The following CENPF variants were observed in gnomAD, a reference collection of about 807,000 sequenced individuals.
The protein encoded by CENPF is centromere protein F, also known as AH antigen.
A neutral mutation model predicts 307.3 loss-of-function variants in CENPF; 214 were observed. The observed-to-expected ratio is 0.70, with a 90% CI of 0.62 to 0.78. The LOEUF is 0.78. Ranked by LOEUF, CENPF falls within the 30% of genes least tolerant of loss-of-function variation. The pLI is 0.00. For missense variants in CENPF, 3,401 were observed against 3,483.9 expected (o/e 0.98, Z 0.60); for synonymous variants, 1,259 against 1,270.6 (o/e 0.99, Z 0.19).
rs1658293080 is a variant in CENPF, at chr1:214,646,141, A to G, written c.6571A>G (p.Ile2191Val). ...AGAAGTAGAGACTCTAAAAACACAA[A>G]TAGAAGAGATGGCCAGAAGCCTGAA... ...KAEVETLKTQIEEMARSLKVF... is the reference protein window; with the variant it reads ...KAEVETLKTQVEEMARSLKVF... Residue 2191 changes from isoleucine (I) to valine (V), a missense_variant, in exon 13 of 20, where the codon ATA (isoleucine) becomes GTA (valine). Transcript: ENST00000366955. The G allele has an allele frequency of 6.2e-7, 1 of 1,614,094 alleles. No individual in the cohort carries two copies. The highest frequency in any genetic ancestry group is 1.3e-5 in the African/African-American group (1 of 75,048).
chr1:214,640,173 T>G lies in CENPF; in HGVS notation c.1835T>G (p.Leu612Trp). Residue 612 changes from leucine (L) to tryptophan (W), a missense_variant, in exon 12 of 20, where the codon TTG becomes TGG. Physicochemically the swap from Leu to Trp is moderately conservative, Grantham distance 61. Transcript: ENST00000366955. ...LELKKKEYEE[L>W]KEEKTLFSCW... ...TTAAAAAAGAAAGAATATGAAGAAT[T>G]GAAAGAAGAGAAAACTCTGTTTTCT... is the stretch of plus-strand genomic sequence containing the variant. The G allele has an allele frequency of 6.3e-7, 1 of 1,590,668 alleles. No homozygotes were observed. The highest frequency in any genetic ancestry group is 8.5e-7 in the Non-Finnish European group (1 of 1,174,360).
At chr1:214,609,204 G>A (rs1030478660) in intron 1 of CENPF, among the ~76,000 whole-genome samples, 2 of 152,012 alleles carry the variant, frequency 1.3e-5, no homozygotes, top group Non-Finnish European at 2.9e-5. Flanking sequence ...AGCTCCCCCC[G>A]AAGAATCCGC....
chr1:214,608,712 C>T (rs1443996218), intron 1 of CENPF: 10 of 1,594,752 alleles, frequency 6.3e-6, no homozygotes, highest in East Asian at 4.5e-5. Context: ...CACCAGGCCC[C>T]GGCTCGGGCT....
At chr1:214,652,641 C>T (rs1571725689) in intron 15 of CENPF, among the ~76,000 whole-genome samples, 187 bp from the exon 16 acceptor site, 1 of 151,850 alleles carries the variant, frequency 6.6e-6, no homozygotes, top group East Asian at 2.0e-4. Context: ...ACAGGGGTTT[C>T]ACCATGTTGG....
rs369113504 is a variant in CENPF, at chr1:214,652,815, T to C, written c.8161-13T>C. On this transcript the variant is annotated splice_polypyrimidine_tract_variant and intron_variant, in intron 15 of 19. Transcript: ENST00000366955. Reference sequence around the variant, plus strand: ...AAGTAACATTTTGGTTTTTTTTGTTTGTTTTGCTCTAGTATGAAGTAGAAA... The same window carrying C: ...AAGTAACATTTTGGTTTTTTTTGTTCGTTTTGCTCTAGTATGAAGTAGAAA... 3 of 1,545,182 alleles carry C rather than the reference T, an allele frequency of 1.9e-6. No homozygotes were observed. Among genetic ancestry groups the C allele is most frequent in the Non-Finnish European group, 2.6e-6 (3 of 1,150,836 alleles).
rs140780578 is a variant in CENPF, at chr1:214,645,799, G to T, written c.6229G>T (p.Ala2077Ser). Residue 2077 changes from alanine to serine, a missense_variant, in exon 13 of 20, where the codon GCC (alanine) becomes TCC (serine). Coordinates refer to ENST00000366955, the MANE Select transcript of CENPF (RefSeq NM_016343.4). ...LLVKESESLQARLSESDYEKL... is the reference protein window; with the variant it reads ...LLVKESESLQSRLSESDYEKL... Reference sequence around the variant, plus strand: ...TGTCAAGGAATCTGAAAGCCTGCAGGCCAGACTGAGTGAATCAGATTATGA... The same window carrying T: ...TGTCAAGGAATCTGAAAGCCTGCAGTCCAGACTGAGTGAATCAGATTATGA... The T allele has an allele frequency of 1.9e-5, 31 of 1,614,190 alleles. No individual in the cohort carries two copies. The East Asian group carries it at 6.2e-4, about 32-fold the overall frequency.
chr1:214,608,365 T>G, intron 1 of CENPF: 1 of 1,612,422 alleles, frequency 6.2e-7, no homozygotes, highest in South Asian at 1.1e-5. Flanking sequence ...GAGGTTCCTC[T>G]CGGAAGGCCT....
chr1:214,618,504 G>A, intron 3 of CENPF, 69 bp from the exon 4 acceptor site: 2 of 1,542,922 alleles, frequency 1.3e-6, no homozygotes, highest in Non-Finnish European at 8.8e-7. Context: ...CTCTGGGAAT[G>A]TAAGGCATTG....
intron 10 of CENPF, 91 bp from the exon 11 acceptor site, chr1:214,637,773 CAA>C (rs1455421700): frequency 1.6e-6 from 2 of 1,277,640 alleles, no homozygotes; most frequent in African/African-American, 1.5e-5. Context: ...GTGAGATACA[CAA>C]ACAGTTCTGC....
chr1:214,619,358 G>A, intron 5 of CENPF, 138 bp downstream of exon 5: 1 of 505,556 alleles, frequency 2.0e-6, no homozygotes, highest in Admixed American at 3.9e-5. Flanking sequence ...AAGGTTTTGG[G>A]CTCAGTGGAG....
intron 3 of CENPF, among the ~76,000 whole-genome samples, chr1:214,616,849 CTTTCTTTCT>C (rs1657357848): frequency 0.012 from 82 of 6,586 alleles, 1 homozygote; most frequent in African/African-American, 0.029. Context: ...TTCTTTCTTT[CTTTCTTTCT>C]TTCTTTCTTT....
In CENPF at chr1:214,642,860, C is replaced by T; in HGVS notation, c.4522C>T (p.Leu1508Phe). 1 of 1,613,992 alleles carries T rather than the reference C, an allele frequency of 6.2e-7. No individual in the cohort carries two copies. The highest frequency in any genetic ancestry group is 8.5e-7 in the Non-Finnish European group (1 of 1,179,978). The stretch of plus-strand genomic sequence containing the variant: ...TTTAGAACAGACAGGAGATATGTCT[C>T]TTTTGAGTAATTTAGAAGGGGCTGT... Reference protein sequence around the residue: ...ALLEQTGDMSLLSNLEGAVSA... With the variant: ...ALLEQTGDMSFLSNLEGAVSA... Residue 1508 changes from leucine to phenylalanine, a missense_variant, in exon 12 of 20, where the codon CTT becomes TTT. By Grantham distance (22) the Leu-to-Phe change is conservative. Transcript: ENST00000366955.
At chr1:214,649,340 C>T (rs1431875165) in intron 14 of CENPF, among the ~76,000 whole-genome samples, 1 of 152,212 alleles carries the variant, frequency 6.6e-6, no homozygotes, top group Non-Finnish European at 1.5e-5. Context: ...TTCATACCCT[C>T]CCTTTTTCCT....
Position 214,642,266 on chromosome 1 carries a change from C to T in CENPF, c.3928C>T (p.Leu1310=), listed in dbSNP as rs148517685. ...LNELEKICEI[L]QAEKYELVTE... is the part of the protein sequence containing the mutation. ...TGAGCTAGAGAAAATATGTGAAATA[C>T]TGCAGGCTGAAAAGTATGAACTCGT... The change falls in exon 12 of 20, where the codon CTG becomes TTG. Residue 1310 remains leucine, a synonymous_variant. Transcript: ENST00000366955. 15 of 1,613,712 alleles carry T rather than the reference C, an allele frequency of 9.3e-6. No individual in the cohort carries two copies. Among genetic ancestry groups the T allele is most frequent in the Admixed American group, 1.7e-5 (1 of 59,956 alleles).
chr1:214,641,780 G>T lies in CENPF; in HGVS notation c.3442G>T (p.Asp1148Tyr). 2 of 1,592,520 alleles carry T rather than the reference G, an allele frequency of 1.3e-6. No individual in the cohort carries two copies. The highest frequency in any genetic ancestry group is 2.3e-5 in the South Asian group (2 of 86,202). The stretch of plus-strand genomic sequence containing the variant: ...AAACAAAATGCAAAAGGAAGTTAAT[G>T]ACTTATTACAAGAGAATGAACAGCT... Reference protein sequence around the residue: ...EQNKMQKEVNDLLQENEQLMK... With the variant: ...EQNKMQKEVNYLLQENEQLMK... Residue 1148 changes from aspartate to tyrosine, a missense_variant, in exon 12 of 20, where the codon GAC (aspartate) becomes TAC (tyrosine). Physicochemically the swap from Asp to Tyr is radical, Grantham distance 160. Transcript: ENST00000366955.
chr1:214,646,293 A>G lies in CENPF; in HGVS notation c.6723A>G (p.Glu2241=), dbSNP rs1221143107. Residue 2241 remains glutamate, a synonymous_variant, in exon 13 of 20, where the codon GAA becomes GAG. Transcript: ENST00000366955. ...KLLSSFKSLL[E]EKEQAEIQIK... Reference sequence around the variant, plus strand: ...TCTCTTCATTTAAAAGTCTGTTAGAAGAAAAGGAGCAAGCAGAGATACAGA... The same window carrying G: ...TCTCTTCATTTAAAAGTCTGTTAGAGGAAAAGGAGCAAGCAGAGATACAGA... 5.6e-6 allele frequency: 9 copies of G among 1,614,026 alleles called. No individual in the cohort carries two copies. In the Admixed American group the frequency reaches 6.7e-5, roughly 12 times the overall value.
chr1:214,653,788 A>G (rs1256999598), intron 16 of CENPF: 1 of 152,204 alleles, frequency 6.6e-6, no homozygotes, highest in Non-Finnish European at 1.5e-5. Flanking sequence ...AATTAAATAC[A>G]AAGTAGTAAA....
chr1:214,650,173 C>T (rs913797859), intron 14 of CENPF, among the ~76,000 whole-genome samples: 11 of 152,178 alleles, frequency 7.2e-5, no homozygotes, highest in African/African-American at 2.4e-4. Flanking sequence ...TGCAAGATGA[C>T]GAGTCAGCTA....
chr1:214,619,377 T>G (rs992921334), intron 5 of CENPF, among the ~76,000 whole-genome samples, 157 bp downstream of exon 5: 1 of 152,172 alleles, frequency 6.6e-6, no homozygotes, highest in African/African-American at 2.4e-5. Flanking sequence ...AGGTGATTAT[T>G]TTTTAGTTTT....
Sources: gnomAD v4.1 joint callset for allele counts (sites outside exome capture counted in the v4.1 genomes callset) on GRCh38, gnomAD v4.1.1 for gene constraint, MANE v1.5 for transcripts, NCBI Gene and HGNC (gene_info 2026-07-23, HGNC 2026-07-21) for gene names.